The following SH3RF3 variants were observed in gnomAD, a reference collection of about 807,000 sequenced individuals.
SH3RF3 encodes the protein E3 ubiquitin-protein ligase SH3RF3.
Under a neutral mutation model 66.3 loss-of-function variants are expected in SH3RF3, and 29 were observed. The ratio of observed to expected loss-of-function variants is 0.44; its 90% confidence interval spans 0.33 to 0.60. The LOEUF is 0.60. Among genes scored for constraint, SH3RF3 ranks in the 20% least tolerant of loss-of-function variants. The probability of loss-of-function intolerance (pLI) is 0.04; values close to 1 mark genes in which losing one functional copy is unlikely to be tolerated. For missense variants in SH3RF3, 1,194 were observed against 1,190.9 expected, an observed-to-expected ratio of 1.00 and a Z score of -0.04; for synonymous variants, 583 against 532.0, an observed-to-expected ratio of 1.10 and a Z score of -1.32.
chr2:109,145,700 G>A (rs1263665031), intron 1 of SH3RF3, among the ~76,000 whole-genome samples: 1 of 152,164 alleles, frequency 6.6e-6, no homozygotes, highest in Non-Finnish European at 1.5e-5. Flanking sequence ...CAGGTCTTGG[G>A]TGTTCTCACA....
At chr2:109,144,094 T>C (rs1034989226) in intron 1 of SH3RF3, among the ~76,000 whole-genome samples, 5 of 152,206 alleles carry the variant, frequency 3.3e-5, no homozygotes, top group Non-Finnish European at 7.3e-5. Flanking sequence ...CTTTCAGTTA[T>C]AAGATGAATG....
intron 7 of SH3RF3, among the ~76,000 whole-genome samples, chr2:109,439,513 G>A (rs955430270): frequency 1.3e-5 from 2 of 152,184 alleles, no homozygotes; most frequent in Non-Finnish European, 2.9e-5. Flanking sequence ...CCGATGGGTG[G>A]GAGGCATTTC....
At chr2:109,403,248 G>T (rs559995197) in intron 4 of SH3RF3, among the ~76,000 whole-genome samples, 1 of 152,178 alleles carries the variant, frequency 6.6e-6, no homozygotes. Flanking sequence ...CCTCCTCCCC[G>T]CAGCTGTTAG....
chr2:109,185,713 A>AG (rs1248225192), intron 1 of SH3RF3, among the ~76,000 whole-genome samples: 1 of 152,230 alleles, frequency 6.6e-6, no homozygotes, highest in East Asian at 1.9e-4. Flanking sequence ...ATTTCTGGAA[A>AG]GGAAGTGGGA....
chr2:109,266,818 C>G (rs192311084), intron 1 of SH3RF3, among the ~76,000 whole-genome samples: 43 of 152,282 alleles, frequency 2.8e-4, no homozygotes, highest in African/African-American at 9.1e-4. Context: ...GGGAGGGAGT[C>G]ACCTCATGTT....
intron 1 of SH3RF3, among the ~76,000 whole-genome samples, chr2:109,246,013 A>G (rs1043290301): frequency 6.6e-6 from 1 of 152,278 alleles, no homozygotes; most frequent in African/African-American, 2.4e-5. Context: ...AAACAAAAAA[A>G]GAGCATGGAT....
intron 1 of SH3RF3, among the ~76,000 whole-genome samples, chr2:109,253,483 A>G (rs1485925648): frequency 6.6e-6 from 1 of 152,166 alleles, no homozygotes; most frequent in African/African-American, 2.4e-5. Flanking sequence ...CCCAGCTCTC[A>G]TGTTTCCCAG....
intron 1 of SH3RF3, among the ~76,000 whole-genome samples, chr2:109,166,427 A>G (rs1300612403): frequency 7.0e-6 from 1 of 142,882 alleles, no homozygotes; most frequent in Non-Finnish European, 1.5e-5. Context: ...TGGTGAGCTG[A>G]GATTGTGCCA....
intron 1 of SH3RF3, among the ~76,000 whole-genome samples, chr2:109,302,457 G>A (rs1442880303): frequency 6.6e-6 from 1 of 152,228 alleles, no homozygotes; most frequent in Non-Finnish European, 1.5e-5. Flanking sequence ...GAATAACCAG[G>A]CACAACATGT....
At position 109,338,713 on chromosome 2, in the gene SH3RF3, A is replaced by G. The variant is rs370734653; in HGVS notation, c.574-8961A>G. Among the ~76,000 whole-genome samples, 46 of 152,166 alleles carry G rather than the reference A, an allele frequency of 3.0e-4. No individual in the cohort carries two copies. In the East Asian group the frequency reaches 4.1e-3, roughly 13 times the overall value. On this transcript the variant is annotated intron_variant, in intron 1 of 9. Coordinates refer to ENST00000309415, the MANE Select transcript of SH3RF3 (RefSeq NM_001099289.3). ...GCTGTGACTACAGGCATGCGCCACC[A>G]CGCCCGACTAATTTGTGTATTTTTA...
chr2:109,187,799 C>T (rs533498737), intron 1 of SH3RF3, among the ~76,000 whole-genome samples: 2 of 152,184 alleles, frequency 1.3e-5, no homozygotes, highest in African/African-American at 2.4e-5. Flanking sequence ...TTCCGACTTC[C>T]CTCTGACACC....
chr2:109,484,768 T>A (rs1403818620), intron 8 of SH3RF3, among the ~76,000 whole-genome samples: 1 of 152,244 alleles, frequency 6.6e-6, no homozygotes, highest in Non-Finnish European at 1.5e-5. Flanking sequence ...TGACCCTGCC[T>A]GCCCTGAGAC....
At chr2:109,139,136 A>G (rs1240108583) in intron 1 of SH3RF3, among the ~76,000 whole-genome samples, 3 of 152,200 alleles carry the variant, frequency 2.0e-5, no homozygotes, top group African/African-American at 7.2e-5. Flanking sequence ...TTAACTCTTT[A>G]TAATCATATC....
intron 5 of SH3RF3, among the ~76,000 whole-genome samples, chr2:109,426,024 G>C (rs1371371044): frequency 4.6e-5 from 7 of 151,960 alleles, no homozygotes; most frequent in Non-Finnish European, 1.0e-4. Flanking sequence ...CAGCCTTCCC[G>C]GTAGCTGGGA....
chr2:109,236,256 C>T (rs1402237163), intron 1 of SH3RF3, among the ~76,000 whole-genome samples: 1 of 152,260 alleles, frequency 6.6e-6, no homozygotes, highest in East Asian at 1.9e-4. Context: ...TATTAATGAC[C>T]AAATTCCCCT....
chr2:109,281,986 G>T (rs1680904358), intron 1 of SH3RF3, among the ~76,000 whole-genome samples: 1 of 152,130 alleles, frequency 6.6e-6, no homozygotes, highest in Non-Finnish European at 1.5e-5. Context: ...GCTGGGCCAG[G>T]CTTTCGGGAT....
chr2:109,336,609 A>G (rs1682427376), intron 1 of SH3RF3, among the ~76,000 whole-genome samples: 1 of 152,196 alleles, frequency 6.6e-6, no homozygotes, highest in African/African-American at 2.4e-5. Context: ...CGTTGAGGCA[A>G]ATGCTCTTTG....
Position 109,236,466 on chromosome 2 carries a change from T to C in SH3RF3, c.573+106353T>C, listed in dbSNP as rs576660166. 3.9e-5 allele frequency among the ~76,000 whole-genome samples: 6 copies of C among 152,310 alleles called. No individual in the cohort carries two copies. The East Asian group carries it at 9.6e-4, about 24-fold the overall frequency. The stretch of plus-strand genomic sequence containing the variant: ...CTTGAGCACACAGCTGTGAGCCGTG[T>C]TTTTTAGGAATCAGAAAAGGTGGTC... On this transcript the variant is annotated intron_variant, in intron 1 of 9. Coordinates refer to ENST00000309415, the MANE Select transcript of SH3RF3 (RefSeq NM_001099289.3).
At chr2:109,163,299 C>T (rs868604710) in intron 1 of SH3RF3, among the ~76,000 whole-genome samples, 7 of 151,152 alleles carry the variant, frequency 4.6e-5, no homozygotes, top group South Asian at 4.2e-4. Flanking sequence ...AGGTGATTAC[C>T]GTGTTGAAAG....
Sources: allele counts gnomAD v4.1 joint callset (sites outside exome capture counted in the v4.1 genomes callset), GRCh38; gene constraint gnomAD v4.1.1; transcripts MANE v1.5; gene names NCBI Gene and HGNC (gene_info 2026-07-23, HGNC 2026-07-21).